Variants in LCOR observed in about 807,000 individuals in gnomAD.
The protein encoded by LCOR is ligand dependent nuclear receptor corepressor.
Under a neutral mutation model 64.4 loss-of-function variants are expected in LCOR, and 14 were observed. The observed-to-expected ratio is 0.22, with a 90% CI of 0.14 to 0.34. The LOEUF (loss-of-function observed/expected upper bound fraction) is 0.34. Among genes scored for constraint, LCOR ranks in the 10% least tolerant of loss-of-function variants. LCOR has a pLI of 1.00. For missense variants in LCOR, 1,686 were observed against 1,765.3 expected (o/e 0.96, Z 0.80); for synonymous variants, 643 against 642.5 (o/e 1.00, Z -0.01).
chr10:96,885,356 G>A (rs182695582), intron 2 of LCOR, among the ~76,000 whole-genome samples: 1 of 151,984 alleles, frequency 6.6e-6, no homozygotes, highest in East Asian at 1.9e-4. Context: ...TTTAGCATTA[G>A]GATGTTAATT....
chr10:96,866,904 A>G (rs1187032568), intron 2 of LCOR, among the ~76,000 whole-genome samples: 1 of 152,088 alleles, frequency 6.6e-6, no homozygotes, highest in Non-Finnish European at 1.5e-5. Context: ...AGGTTGTGCC[A>G]CCACTTTACA....
At chr10:96,904,457 G>C (rs1466718748) in intron 2 of LCOR, among the ~76,000 whole-genome samples, 1 of 152,128 alleles carries the variant, frequency 6.6e-6, no homozygotes, top group East Asian at 1.9e-4. Context: ...TCTTTAACCA[G>C]TGTGAACTTT....
At chr10:96,896,089 TA>T (rs1317240740) in intron 2 of LCOR, among the ~76,000 whole-genome samples, 5 of 151,572 alleles carry the variant, frequency 3.3e-5, no homozygotes, top group Non-Finnish European at 7.4e-5. Flanking sequence ...CTCTAAAAAC[TA>T]AAAAGAAAAA....
intron 2 of LCOR, among the ~76,000 whole-genome samples, chr10:96,855,895 C>T (rs191232236): frequency 4.4e-4 from 66 of 151,654 alleles, no homozygotes; most frequent in African/African-American, 1.5e-3. Flanking sequence ...GCATGCACCA[C>T]CATGCCCGGC....
intron 4 of LCOR, among the ~76,000 whole-genome samples, chr10:96,923,937 A>C (rs1847123961): frequency 6.6e-6 from 1 of 152,148 alleles, no homozygotes; most frequent in African/African-American, 2.4e-5. Flanking sequence ...TAAAACCTAA[A>C]ATATTTACTC....
At chr10:96,839,958 G>A (rs1845511541) in intron 2 of LCOR, among the ~76,000 whole-genome samples, 1 of 152,218 alleles carries the variant, frequency 6.6e-6, no homozygotes, top group Non-Finnish European at 1.5e-5. Context: ...TGGGATTACA[G>A]GTGTGAGCCA....
intron 7 of LCOR, among the ~76,000 whole-genome samples, chr10:96,964,949 G>A (rs1226992475): frequency 6.6e-6 from 1 of 151,952 alleles, no homozygotes; most frequent in Non-Finnish European, 1.5e-5. Flanking sequence ...TTGGCAGTTC[G>A]CTGATAATTC....
chr10:96,969,131 G>T (rs1176664471), intron 7 of LCOR, among the ~76,000 whole-genome samples: 1 of 152,152 alleles, frequency 6.6e-6, no homozygotes, highest in Non-Finnish European at 1.5e-5. Flanking sequence ...ATAAATGAAA[G>T]GCATTGACAG....
intron 4 of LCOR, among the ~76,000 whole-genome samples, chr10:96,938,342 A>G (rs570712490): frequency 6.6e-6 from 1 of 152,334 alleles, no homozygotes; most frequent in South Asian, 2.1e-4. Context: ...CCAAAATGGC[A>G]TTTGGCCAAA....
rs1052561963 is a variant in LCOR at position 96,986,049 on chromosome 10, A to G, written c.*915A>G. The G allele has an allele frequency of 6.0e-5, 10 of 167,030 alleles. No individual in the cohort carries two copies. Among genetic ancestry groups the G allele is most frequent in the African/African-American group, 2.4e-4 (10 of 41,428 alleles). The allele number at this position is 167,030 out of a possible 1,614,324, so 10.3% of individuals were successfully genotyped here. ...ATGACTCTTATTTTCTTTCTTACCCAGAGTACTTCCATATTCAAAGAAAGC... is the reference window on the plus strand; with the variant it reads ...ATGACTCTTATTTTCTTTCTTACCCGGAGTACTTCCATATTCAAAGAAAGC... On this transcript the variant is annotated 3_prime_UTR_variant, in exon 8 of 8. Coordinates refer to ENST00000421806, the MANE Select transcript of LCOR (RefSeq NM_001346516.2).
chr10:96,892,936 G>T (rs1204257709), intron 2 of LCOR, among the ~76,000 whole-genome samples: 1 of 152,096 alleles, frequency 6.6e-6, no homozygotes, highest in African/African-American at 2.4e-5. Flanking sequence ...TAATATAATT[G>T]CTGATAAGGA....
chr10:96,947,807 T>G (rs1456578496), intron 5 of LCOR, among the ~76,000 whole-genome samples: 3 of 152,154 alleles, frequency 2.0e-5, no homozygotes, highest in African/African-American at 7.2e-5. Context: ...AATACACACT[T>G]TAGACCAGGC....
chr10:96,835,455 C>T lies in LCOR; in HGVS notation c.-330+1976C>T, dbSNP rs117381597. ...GTCTCTCAACTAAAATCAGTGGGGC[C>T]TCATATTTTCTCTTTTATTATATGT... is the stretch of plus-strand genomic sequence containing the variant. On this transcript the variant is annotated intron_variant, in intron 2 of 7. Coordinates refer to ENST00000421806, the MANE Select transcript of LCOR (RefSeq NM_001346516.2). Among the ~76,000 whole-genome samples, 459 of 152,158 alleles carry T rather than the reference C, an allele frequency of 3.0e-3. 3 individuals carry two copies. Among genetic ancestry groups the T allele is most frequent in the Non-Finnish European group, 4.8e-3 (325 of 68,000 alleles).
chr10:96,906,480 CCCATA>C (rs1846730026), intron 2 of LCOR, among the ~76,000 whole-genome samples: 3 of 152,104 alleles, frequency 2.0e-5, no homozygotes, highest in African/African-American at 7.2e-5. Context: ...ACTCTCTTGA[CCCATA>C]AGAAATTGCA....
At chr10:96,977,512 A>C (rs1019499627) in intron 7 of LCOR, among the ~76,000 whole-genome samples, 4 of 152,236 alleles carry the variant, frequency 2.6e-5, no homozygotes, top group African/African-American at 9.6e-5. Context: ...ATGTTCCAAG[A>C]TAATATAATT....
chr10:96,982,903 A>T lies in LCOR; in HGVS notation c.2443A>T (p.Arg815Trp). ...KGKKFPEASDRCLRSQLSDSS... is the reference protein window; with the variant it reads ...KGKKFPEASDWCLRSQLSDSS... The stretch of plus-strand genomic sequence containing the variant: ...TAAAAAATTCCCTGAGGCCTCTGAT[A>T]GGTGCCTAAGAAGTCAACTTTCGGA... The change falls in exon 8 of 8, where the codon AGG (arginine) becomes TGG (tryptophan). Residue 815 changes from arginine (R) to tryptophan (W), a missense_variant. Coordinates refer to ENST00000421806, the MANE Select transcript of LCOR (RefSeq NM_001346516.2). 1 of 1,614,022 alleles carries T rather than the reference A, an allele frequency of 6.2e-7. No homozygotes were observed. Among genetic ancestry groups the T allele is most frequent in the Non-Finnish European group, 8.5e-7 (1 of 1,180,004 alleles).
chr10:96,984,410 G>T lies in LCOR; in HGVS notation c.3950G>T (p.Arg1317Leu). 1 of 1,614,176 alleles carries T rather than the reference G, an allele frequency of 6.2e-7. No individual in the cohort carries two copies. Among genetic ancestry groups the T allele is most frequent in the East Asian group, 2.2e-5 (1 of 44,888 alleles). ...ATTCTTAGAAAATATTCCAATATTC[G>T]AGGAAAGCTCAGAGCCCAGCAACGT... ...TRILRKYSNIRGKLRAQQRLI... is the reference protein window; with the variant it reads ...TRILRKYSNILGKLRAQQRLI... Residue 1317 changes from arginine to leucine, a missense_variant, in exon 8 of 8, where the codon CGA (arginine) becomes CTA (leucine). Arg to Leu is a moderately radical substitution (Grantham distance 102). Coordinates refer to ENST00000421806, the MANE Select transcript of LCOR (RefSeq NM_001346516.2).
intron 4 of LCOR, among the ~76,000 whole-genome samples, chr10:96,934,419 G>GAGTTTCTAAAA (rs1199007755): frequency 6.6e-6 from 1 of 151,996 alleles, no homozygotes; most frequent in Non-Finnish European, 1.5e-5. Flanking sequence ...TTCTACCCTA[G>GAGTTTCTAAAA]AGCTATAGAG....
chr10:96,933,978 T>G (rs2134494272), intron 4 of LCOR, among the ~76,000 whole-genome samples: 1 of 152,340 alleles, frequency 6.6e-6, no homozygotes. Flanking sequence ...ATTGAAGAGT[T>G]TTATAGCATT....
Sources: gnomAD v4.1 joint callset for allele counts (sites outside exome capture counted in the v4.1 genomes callset) on GRCh38, gnomAD v4.1.1 for gene constraint, MANE v1.5 for transcripts, NCBI Gene and HGNC (gene_info 2026-07-23, HGNC 2026-07-21) for gene names.